RGS6: variants seen among roughly 807,000 people sequenced by gnomAD.
RGS6 encodes the protein regulator of G protein signaling 6.
A neutral mutation model predicts 78.5 loss-of-function variants in RGS6; 30 were observed. The observed-to-expected ratio is 0.38, with a 90% CI of 0.29 to 0.52. The LOEUF is 0.52. RGS6 is among the 20% of genes least tolerant of loss of function. The pLI is 0.85. For missense variants in RGS6, 495 were observed against 609.7 expected (o/e 0.81, Z 1.98); for synonymous variants, 206 against 206.0 (o/e 1.00, Z 0.00).
intron 2 of RGS6, among the ~76,000 whole-genome samples, chr14:72,077,105 A>T (rs188543695): frequency 7.9e-5 from 12 of 151,788 alleles, no homozygotes; most frequent in Non-Finnish European, 1.8e-4. Flanking sequence ...AGCCTTGCCA[A>T]CACTGGTTAT....
At chr14:72,141,527 T>C (rs973496131) in intron 2 of RGS6, among the ~76,000 whole-genome samples, 5 of 152,312 alleles carry the variant, frequency 3.3e-5, no homozygotes, top group Admixed American at 3.3e-4. Context: ...TGGAGCTCTC[T>C]AAAGTTTCAG....
chr14:72,192,013 G>A (rs2097332464), intron 2 of RGS6, among the ~76,000 whole-genome samples: 1 of 152,162 alleles, frequency 6.6e-6, no homozygotes, highest in Non-Finnish European at 1.5e-5. Flanking sequence ...TACCTGGCAA[G>A]CAGACATGCA....
intron 2 of RGS6, among the ~76,000 whole-genome samples, chr14:72,290,105 G>C (rs966575972): frequency 2.0e-5 from 3 of 152,128 alleles, no homozygotes; most frequent in African/African-American, 7.2e-5. Flanking sequence ...ACAGAATAGA[G>C]AAATCCTAGG....
the RGS6 span, among the ~76,000 whole-genome samples, chr14:72,609,754 GC>G: frequency 6.6e-6 from 1 of 152,182 alleles, no homozygotes; most frequent in African/African-American, 2.4e-5. Flanking sequence ...TGCTGTCGTT[GC>G]TTTTTAGAGA....
the RGS6 span, among the ~76,000 whole-genome samples, chr14:71,880,807 G>C: frequency 1.3e-5 from 2 of 152,242 alleles, no homozygotes. Context: ...CCCCCACACA[G>C]AGTCCCCACT....
At chr14:72,392,243 G>A (rs1029296362) in intron 3 of RGS6, among the ~76,000 whole-genome samples, 5 of 151,930 alleles carry the variant, frequency 3.3e-5, no homozygotes, top group African/African-American at 4.8e-5. Flanking sequence ...ATGTTTGCTG[G>A]TTAAGCAGCC....
intron 2 of RGS6, among the ~76,000 whole-genome samples, chr14:72,200,591 G>T (rs932755345): frequency 7.2e-5 from 11 of 152,238 alleles, no homozygotes; most frequent in Admixed American, 5.2e-4. Flanking sequence ...AGGACGGGGA[G>T]TGGTAGGGAC....
chr14:72,163,065 G>T (rs1204989469), intron 2 of RGS6, among the ~76,000 whole-genome samples: 1 of 152,130 alleles, frequency 6.6e-6, no homozygotes, highest in East Asian at 1.9e-4. Flanking sequence ...TGGGAGGTGG[G>T]TGAGGAATAA....
intron 2 of RGS6, among the ~76,000 whole-genome samples, chr14:72,076,432 A>G (rs2094576531): frequency 1.3e-5 from 2 of 152,318 alleles, no homozygotes; most frequent in South Asian, 2.1e-4. Flanking sequence ...TCAAAATCTA[A>G]TGAACACTCC....
intron 15 of RGS6, among the ~76,000 whole-genome samples, chr14:72,524,791 C>G (rs185742888): frequency 6.6e-6 from 1 of 152,312 alleles, no homozygotes; most frequent in Non-Finnish European, 1.5e-5. Context: ...CAAAACAAAC[C>G]AGACCTAAGA....
intron 2 of RGS6, among the ~76,000 whole-genome samples, chr14:72,180,077 A>C (rs576844937): frequency 1.1e-4 from 16 of 152,364 alleles, no homozygotes; most frequent in African/African-American, 3.4e-4. Context: ...ATGGGAGTTT[A>C]AGAAGGAAGT....
intron 2 of RGS6, among the ~76,000 whole-genome samples, chr14:71,996,660 G>A (rs1167791116): frequency 6.6e-6 from 1 of 152,134 alleles, no homozygotes; most frequent in Non-Finnish European, 1.5e-5. Flanking sequence ...TCTTGTCCTA[G>A]CCCAGTGGTT....
chr14:72,200,407 T>C (rs1201989167), intron 2 of RGS6, among the ~76,000 whole-genome samples: 11 of 152,272 alleles, frequency 7.2e-5, no homozygotes, highest in Admixed American at 7.2e-4. Context: ...GTGAAGGCTC[T>C]GATATCTCAC....
At position 72,383,639 on chromosome 14, in the gene RGS6, G is replaced by A. The variant is rs142068006; in HGVS notation, c.184+31445G>A. Among the ~76,000 whole-genome samples the A allele has an allele frequency of 5.9e-5, 9 of 152,190 alleles. No homozygotes were observed. The East Asian group carries it at 1.7e-3, about 29-fold the overall frequency. On this transcript the variant is annotated intron_variant, in intron 3 of 17. Coordinates refer to ENST00000553525, the MANE Select transcript of RGS6 (RefSeq NM_001204424.2). ...GGGTCACCGGTCCCGTTCTTAAGTA[G>A]GATTGTGAAGGAAAAAAGCAGAGAA...
chr14:72,312,916 G>A (rs569083169), intron 2 of RGS6, among the ~76,000 whole-genome samples: 4 of 152,302 alleles, frequency 2.6e-5, no homozygotes, highest in Non-Finnish European at 4.4e-5. Context: ...TTTGGCTTTG[G>A]AGACTTTGCT....
At chr14:72,226,506 G>A (rs941170440) in intron 2 of RGS6, among the ~76,000 whole-genome samples, 2 of 152,110 alleles carry the variant, frequency 1.3e-5, no homozygotes, top group African/African-American at 4.8e-5. Context: ...ATATATCTGG[G>A]GGCCCAGAGC....
intron 2 of RGS6, among the ~76,000 whole-genome samples, chr14:72,219,013 A>T (rs553684027): frequency 1.3e-5 from 2 of 151,894 alleles, no homozygotes; most frequent in South Asian, 4.2e-4. Flanking sequence ...TTTCTCTATC[A>T]GGCACTTTAC....
intron 3 of RGS6, among the ~76,000 whole-genome samples, chr14:72,354,197 A>G (rs1476722614): frequency 2.0e-5 from 3 of 152,162 alleles, no homozygotes; most frequent in Non-Finnish European, 4.4e-5. Flanking sequence ...GGTGGCTTAT[A>G]AAGAACAGAA....
chr14:71,907,963 G>A, the RGS6 span, among the ~76,000 whole-genome samples: 1 of 152,156 alleles, frequency 6.6e-6, no homozygotes, highest in Admixed American at 6.5e-5. Flanking sequence ...TGGATCCTAA[G>A]GAACATTTTC....
Sources: allele counts gnomAD v4.1 joint callset (sites outside exome capture counted in the v4.1 genomes callset), GRCh38; gene constraint gnomAD v4.1.1; transcripts MANE v1.5; gene names NCBI Gene and HGNC (gene_info 2026-07-23, HGNC 2026-07-21).